PTPRN2: variants seen among roughly 807,000 people sequenced by gnomAD.
PTPRN2 encodes the protein receptor-type tyrosine-protein phosphatase N2.
In PTPRN2, 74 loss-of-function variants were observed where a neutral mutation model predicts 118.8. That is an observed-to-expected ratio of 0.62 (90% CI 0.52 to 0.76). The LOEUF is 0.76. Ranked by LOEUF, PTPRN2 falls within the 30% of genes least tolerant of loss-of-function variation. PTPRN2 has a pLI of 0.00. For synonymous variants in PTPRN2, 641 were observed against 608.0 expected, an observed-to-expected ratio of 1.05 and a Z score of -0.80; for missense variants, 1,481 against 1,394.4, an observed-to-expected ratio of 1.06 and a Z score of -0.99.
intron 14 of PTPRN2, among the ~76,000 whole-genome samples, chr7:157,626,893 C>T (rs1803613864): frequency 6.6e-6 from 1 of 152,212 alleles, no homozygotes; most frequent in South Asian, 2.1e-4. Context: ...TATACATGAC[C>T]TTGCTGCCAT....
chr7:157,864,032 CACCCTGCCCGAAGCCACG>C (rs1194694738), intron 12 of PTPRN2: 2 of 152,280 alleles, frequency 1.3e-5, no homozygotes, highest in African/African-American at 4.8e-5. Context: ...TGGCCAGGAC[CACCCTGCCCGAAGCCACG>C]GCTATGTCGA....
In PTPRN2 at chr7:158,522,492, A is replaced by G. The variant is rs566329809; in HGVS notation, c.113-32707T>C. Among the ~76,000 whole-genome samples the G allele has an allele frequency of 5.7e-4, 85 of 150,296 alleles. 3 individuals are homozygous for G. The highest frequency in any genetic ancestry group is 1.9e-3 in the African/African-American group (78 of 40,144). ...CACGTCAGAATGGTGGACTGTTTTA[A>G]GAGGAAGGTCCACGTCAGAATGGAC... On this transcript the variant is annotated intron_variant, in intron 1 of 22. Transcript: ENST00000389418.
intron 2 of PTPRN2, among the ~76,000 whole-genome samples, chr7:158,323,577 T>C (rs1803213860): frequency 6.6e-6 from 1 of 152,226 alleles, no homozygotes; most frequent in South Asian, 2.1e-4. Context: ...TCAGTTTCTT[T>C]CATTTGAAAG....
chr7:157,871,710 C>T (rs1037622259), intron 12 of PTPRN2, among the ~76,000 whole-genome samples: 1 of 151,802 alleles, frequency 6.6e-6, no homozygotes, highest in Non-Finnish European at 1.5e-5. Context: ...TAACATTTCC[C>T]TAACACACAT....
At chr7:158,395,245 C>T (rs1449314819) in intron 2 of PTPRN2, among the ~76,000 whole-genome samples, 1 of 143,054 alleles carries the variant, frequency 7.0e-6, no homozygotes, top group Non-Finnish European at 1.5e-5. Context: ...CCTGAATCCC[C>T]CGTGCGGGCA....
chr7:158,292,101 C>A (rs1050364112), intron 3 of PTPRN2, among the ~76,000 whole-genome samples: 7 of 152,158 alleles, frequency 4.6e-5, no homozygotes, highest in African/African-American at 1.7e-4. Flanking sequence ...GCAAATGGAT[C>A]CCTCCTCTCC....
At chr7:157,656,647 C>T in intron 13 of PTPRN2, 96 bp from the exon 14 acceptor site, 1 of 1,224,982 alleles carries the variant, frequency 8.2e-7, no homozygotes, top group East Asian at 2.6e-5. Context: ...ACCCCTTCTC[C>T]TGCTAAGATC....
chr7:158,374,563 A>G (rs542215605), intron 2 of PTPRN2, among the ~76,000 whole-genome samples: 224 of 151,980 alleles, frequency 1.5e-3, no homozygotes, highest in African/African-American at 5.1e-3. Flanking sequence ...CTGAAGAAAG[A>G]AAAAAAGAAA....
chr7:157,554,305 C>T (rs1242526131), intron 21 of PTPRN2, among the ~76,000 whole-genome samples: 1 of 68,118 alleles, frequency 1.5e-5, no homozygotes, highest in Non-Finnish European at 2.8e-5. Context: ...CCAGGCCGGG[C>T]GCCGGATCCT....
At chr7:158,244,543 TG>T (rs1449292422) in intron 3 of PTPRN2, among the ~76,000 whole-genome samples, 1 of 56,964 alleles carries the variant, frequency 1.8e-5, no homozygotes, top group Admixed American at 1.9e-4. Flanking sequence ...TGAATGAGCA[TG>T]TTTTTTGTGT....
In PTPRN2 at chr7:158,266,488, G is replaced by A. The variant is rs186777911; in HGVS notation, c.277+50331C>T. ...GGCAGTGAAGCTGGGGACGGTGTCC[G>A]CTGCAGTGTGATGTCTGGCAGTGAG... is the stretch of plus-strand genomic sequence containing the variant. On this transcript the variant is annotated intron_variant, in intron 3 of 22. Transcript: ENST00000389418. 9.2e-5 allele frequency among the ~76,000 whole-genome samples: 14 copies of A among 151,854 alleles called. No homozygotes were observed. In the East Asian group the frequency reaches 9.7e-4, roughly 11 times the overall value.
chr7:158,285,499 T>C (rs1419282661), intron 3 of PTPRN2, among the ~76,000 whole-genome samples: 3 of 152,174 alleles, frequency 2.0e-5, no homozygotes, highest in Non-Finnish European at 4.4e-5. Context: ...TCCATGCTGC[T>C]CCTGCAGGCG....
intron 3 of PTPRN2, among the ~76,000 whole-genome samples, chr7:158,291,645 G>A (rs1800126652): frequency 6.6e-6 from 1 of 152,176 alleles, no homozygotes; most frequent in Non-Finnish European, 1.5e-5. Context: ...TTGGTTGTCT[G>A]ACTTATTACT....
At chr7:157,837,007 C>T (rs1311185819) in intron 12 of PTPRN2, among the ~76,000 whole-genome samples, 3 of 150,532 alleles carry the variant, frequency 2.0e-5, no homozygotes, top group African/African-American at 7.3e-5. Context: ...CTCCATCCAC[C>T]CACCCATCCA....
chr7:158,108,704 C>G (rs550045470), intron 10 of PTPRN2, among the ~76,000 whole-genome samples: 5 of 152,362 alleles, frequency 3.3e-5, no homozygotes, highest in African/African-American at 1.2e-4. Flanking sequence ...TGATCCCAGG[C>G]TGGCTGGGGT....
chr7:158,320,233 A>G (rs1338293325), intron 2 of PTPRN2, among the ~76,000 whole-genome samples: 2 of 152,158 alleles, frequency 1.3e-5, no homozygotes, highest in Non-Finnish European at 2.9e-5. Context: ...CCTCCCTCAC[A>G]GGGTATTTGC....
In PTPRN2 at chr7:158,093,025, A is replaced by G. The variant is rs1447449535; in HGVS notation, c.1644-11648T>C. ...GCTAGCTCCAAATAGTCCAATTCTA[A>G]TATCAATGCCACCACTAGAATCACA... On this transcript the variant is annotated intron_variant, in intron 10 of 22. Transcript: ENST00000389418. This position sits in a 1 kb window ranked among gnomAD's most constrained non-coding sequence, Gnocchi z 4.4. Among the ~76,000 whole-genome samples, 1 of 152,234 alleles carries G rather than the reference A, an allele frequency of 6.6e-6. No individual in the cohort carries two copies. The highest frequency in any genetic ancestry group is 2.4e-5 in the African/African-American group (1 of 41,450).
chr7:158,048,952 T>C (rs1324902240), intron 11 of PTPRN2, among the ~76,000 whole-genome samples: 1 of 126,822 alleles, frequency 7.9e-6, no homozygotes, highest in Non-Finnish European at 1.7e-5. Context: ...ATCACTATGG[T>C]CCCATCACTA....
rs1257063415 is a variant in PTPRN2, at chr7:157,603,862, G to C, written c.2418+140C>G. The stretch of plus-strand genomic sequence containing the variant: ...AACAGGGGAGTGGCGGGAGCCCAAT[G>C]GGCAGAGTCGGCCCTGTCCACCGCA... On this transcript the variant is annotated intron_variant, in intron 16 of 22. Coordinates refer to ENST00000389418, the MANE Select transcript of PTPRN2 (RefSeq NM_002847.5). This position sits in a 1 kb window ranked among gnomAD's most constrained non-coding sequence, Gnocchi z 5.4. 9.1e-6 allele frequency: 7 copies of C among 770,180 alleles called. No individual in the cohort carries two copies. In the Admixed American group the frequency reaches 1.8e-4, roughly 20 times the overall value. The allele number at this position is 770,180 out of a possible 1,614,324, so 47.7% of individuals were successfully genotyped here.
Sources: allele counts gnomAD v4.1 joint callset (sites outside exome capture counted in the v4.1 genomes callset), GRCh38; gene constraint gnomAD v4.1.1; non-coding constraint Gnocchi (gnomAD v3.1); transcripts MANE v1.5; gene names NCBI Gene and HGNC (gene_info 2026-07-23, HGNC 2026-07-21).